EML6: variants seen among roughly 807,000 people sequenced by gnomAD.
The protein encoded by EML6 is echinoderm microtubule-associated protein-like 6.
A neutral mutation model predicts 240.1 loss-of-function variants in EML6; 154 were observed. The ratio of observed to expected loss-of-function variants is 0.64; its 90% confidence interval spans 0.56 to 0.73. The LOEUF (loss-of-function observed/expected upper bound fraction) is 0.73. Ranked by LOEUF, EML6 falls within the 30% of genes least tolerant of loss-of-function variation. The pLI is 0.00. For synonymous variants in EML6, 1,148 were observed against 899.0 expected (o/e 1.28, Z -4.95); for missense variants, 2,964 against 2,474.6 (o/e 1.20, Z -4.20).
intron 2 of EML6, among the ~76,000 whole-genome samples, chr2:54,730,293 A>G (rs187550198): frequency 3.3e-5 from 5 of 152,352 alleles, no homozygotes; most frequent in East Asian, 3.9e-4. Flanking sequence ...TGCAAATACA[A>G]TTGAACTTGT....
At chr2:54,762,576 T>C (rs950360054) in intron 2 of EML6, among the ~76,000 whole-genome samples, 1 of 152,200 alleles carries the variant, frequency 6.6e-6, no homozygotes, top group African/African-American at 2.4e-5. Context: ...TTTTAAAAAC[T>C]CCATTGTTCC....
chr2:54,801,418 C>T (rs1670139728), intron 2 of EML6, among the ~76,000 whole-genome samples: 1 of 152,022 alleles, frequency 6.6e-6, no homozygotes, highest in East Asian at 1.9e-4. Flanking sequence ...TCAGCCTTGG[C>T]CTGAAGTGAT....
chr2:54,879,823 A>G, intron 17 of EML6, 183 bp downstream of exon 17: 1 of 581,248 alleles, frequency 1.7e-6, no homozygotes, highest in Non-Finnish European at 3.1e-6. Flanking sequence ...AGAGCAGGTC[A>G]TGTTTGTTGC....
chr2:54,887,206 C>T (rs1197712279), intron 17 of EML6, among the ~76,000 whole-genome samples: 2 of 152,164 alleles, frequency 1.3e-5, no homozygotes, highest in African/African-American at 2.4e-5. Context: ...TTATACAGCT[C>T]CCCATCACCA....
chr2:54,749,789 C>T (rs936468529), intron 2 of EML6, among the ~76,000 whole-genome samples: 1 of 152,162 alleles, frequency 6.6e-6, no homozygotes, highest in African/African-American at 2.4e-5. Context: ...ACCCCACACC[C>T]CAGCTGCCTA....
chr2:54,820,131 A>G (rs1668263229), intron 4 of EML6, among the ~76,000 whole-genome samples: 1 of 152,198 alleles, frequency 6.6e-6, no homozygotes, highest in African/African-American at 2.4e-5. Context: ...TCTCAAATGG[A>G]CAAAATTAAA....
rs189708637 is a variant in EML6, at chr2:54,756,847, G to A, written c.197+31589G>A. On this transcript the variant is annotated intron_variant, in intron 2 of 41. Coordinates refer to ENST00000356458, the MANE Select transcript of EML6 (RefSeq NM_001039753.4). ...TCAACCTACAAACTCCTGAGTCTCA[G>A]TTCTGGAATGTTTTCTTGCCTTCCT... Among the ~76,000 whole-genome samples the A allele has an allele frequency of 2.0e-5, 3 of 151,858 alleles. No individual in the cohort carries two copies. In the South Asian group the frequency reaches 6.2e-4, roughly 32 times the overall value.
At chr2:54,942,019 T>A (rs944277308) in intron 28 of EML6, among the ~76,000 whole-genome samples, 1 of 152,258 alleles carries the variant, frequency 6.6e-6, no homozygotes, top group Non-Finnish European at 1.5e-5. Context: ...AGCTGAATCA[T>A]TCGTTGATTT....
At chr2:54,937,967 T>C (rs898258606) in intron 28 of EML6, among the ~76,000 whole-genome samples, 1 of 152,230 alleles carries the variant, frequency 6.6e-6, no homozygotes, top group Non-Finnish European at 1.5e-5. Flanking sequence ...AGAGGTTTGC[T>C]TTAATCCCAC....
At chr2:54,850,442 G>A (rs12713279) in intron 10 of EML6, 335,995 of 496,474 alleles carry the variant, frequency 0.68, 115,309 homozygotes, top group African/African-American at 0.87. Flanking sequence ...TAAACTAAAA[G>A]TTGCTGCACA....
At position 54,871,484 on chromosome 2, in the gene EML6, C is replaced by T. The variant is rs1671253056; in HGVS notation, c.2239-16C>T. On this transcript the variant is annotated splice_polypyrimidine_tract_variant and intron_variant, in intron 15 of 41. Transcript: ENST00000356458. ...TAACGTGTTAGTAGTTAATAACAGT[C>T]ATTCTGTTATTTAAGGTTGGAAGAG... is the stretch of plus-strand genomic sequence containing the variant. The T allele has an allele frequency of 4.7e-6, 7 of 1,496,312 alleles. No individual in the cohort carries two copies. The highest frequency in any genetic ancestry group is 2.0e-5 in the Admixed American group (1 of 50,954). 92.7% of individuals were successfully genotyped at this position (1,496,312 alleles called of 1,614,324 possible). A position where few individuals can be genotyped will look rare whatever the true frequency, so the allele number is the denominator to read the frequency against.
intron 4 of EML6, among the ~76,000 whole-genome samples, chr2:54,818,974 G>A (rs1164140723): frequency 2.0e-5 from 3 of 152,084 alleles, no homozygotes; most frequent in African/African-American, 7.2e-5. Context: ...TTTATACCCT[G>A]CAAAATGACT....
intron 29 of EML6, among the ~76,000 whole-genome samples, chr2:54,949,953 C>A (rs13397708): frequency 7.7e-4 from 118 of 152,344 alleles, no homozygotes; most frequent in African/African-American, 2.2e-3. Flanking sequence ...TTTCCTGATG[C>A]TTCTCACCCT....
intron 24 of EML6, among the ~76,000 whole-genome samples, chr2:54,905,019 A>G (rs902432836): frequency 6.6e-6 from 1 of 152,200 alleles, no homozygotes; most frequent in East Asian, 1.9e-4. Flanking sequence ...CATGTGATGC[A>G]TTGCATTTAT....
intron 17 of EML6, chr2:54,881,140 T>A (rs1291820144): frequency 6.6e-6 from 1 of 152,180 alleles, no homozygotes; most frequent in East Asian, 1.9e-4. Flanking sequence ...GAGAACATTT[T>A]GGATTGACAT....
intron 2 of EML6, among the ~76,000 whole-genome samples, chr2:54,733,958 T>C (rs537944420): frequency 5.9e-5 from 9 of 152,276 alleles, no homozygotes; most frequent in African/African-American, 2.2e-4. Flanking sequence ...GATTTCTTGA[T>C]GCACAGAAAA....
intron 2 of EML6, among the ~76,000 whole-genome samples, chr2:54,758,686 TG>T (rs1667845745): frequency 6.6e-6 from 1 of 152,234 alleles, no homozygotes; most frequent in Non-Finnish European, 1.5e-5. Flanking sequence ...TCTTGTTCAC[TG>T]TTAAATATCT....
intron 17 of EML6, among the ~76,000 whole-genome samples, chr2:54,884,326 C>G (rs1468786509): frequency 2.0e-5 from 3 of 152,210 alleles, no homozygotes; most frequent in Non-Finnish European, 4.4e-5. Flanking sequence ...CCAGGGATCT[C>G]CTTGTGTTCA....
intron 28 of EML6, among the ~76,000 whole-genome samples, chr2:54,946,606 C>A (rs1675706297): frequency 6.6e-6 from 1 of 152,182 alleles, no homozygotes; most frequent in African/African-American, 2.4e-5. Flanking sequence ...TTATAGATGC[C>A]TGGAAAGAAG....
Sources: gnomAD v4.1 joint callset for allele counts (sites outside exome capture counted in the v4.1 genomes callset) on GRCh38, gnomAD v4.1.1 for gene constraint, MANE v1.5 for transcripts, NCBI Gene and HGNC (gene_info 2026-07-23, HGNC 2026-07-21) for gene names.